The following FYN variants were observed in gnomAD, a reference collection of about 807,000 sequenced individuals.
FYN encodes tyrosine-protein kinase Fyn.
Under a neutral mutation model 70.2 loss-of-function variants are expected in FYN, and 10 were observed. That is an observed-to-expected ratio of 0.14 (90% CI 0.09 to 0.24). FYN has a LOEUF of 0.24. Among genes scored for constraint, FYN ranks in the 10% least tolerant of loss-of-function variants. FYN has a pLI of 1.00. For synonymous variants in FYN, 236 were observed against 248.6 expected (o/e 0.95, Z 0.48); for missense variants, 319 against 673.1 (o/e 0.47, Z 5.82).
intron 2 of FYN, among the ~76,000 whole-genome samples, chr6:111,823,093 G>A (rs937691621): frequency 2.0e-5 from 3 of 152,196 alleles, no homozygotes; most frequent in African/African-American, 4.8e-5. Flanking sequence ...TGTCTTTCAC[G>A]TTACCAGATG....
intron 1 of FYN, among the ~76,000 whole-genome samples, chr6:111,867,105 T>C (rs1194181741): frequency 6.6e-6 from 1 of 152,172 alleles, no homozygotes; most frequent in East Asian, 1.9e-4. Context: ...ACTCCACACA[T>C]TCTCCCTGGG....
intron 3 of FYN, among the ~76,000 whole-genome samples, chr6:111,758,134 T>G (rs1174894344): frequency 2.0e-5 from 3 of 152,204 alleles, no homozygotes; most frequent in Admixed American, 2.0e-4. Context: ...TAAGCAAAGA[T>G]AGTAGACTGA....
chr6:111,699,502 C>T (rs770348444), intron 9 of FYN: 5 of 1,608,864 alleles, frequency 3.1e-6, no homozygotes, highest in Non-Finnish European at 4.2e-6. Context: ...ACAAAATGTG[C>T]CCTCTGCCTT....
chr6:111,723,620 C>T (rs938523925), intron 3 of FYN, among the ~76,000 whole-genome samples: 7 of 152,190 alleles, frequency 4.6e-5, no homozygotes, highest in South Asian at 2.1e-4. Flanking sequence ...CTTTCTCCCC[C>T]GTGGGGCAGT....
intron 4 of FYN, among the ~76,000 whole-genome samples, chr6:111,718,041 A>G (rs1257276399): frequency 6.6e-6 from 1 of 152,242 alleles, no homozygotes; most frequent in Non-Finnish European, 1.5e-5. Flanking sequence ...GGTCATGCCT[A>G]TTCTTATTTA....
At chr6:111,699,273 G>T (rs557192163) in intron 9 of FYN, among the ~76,000 whole-genome samples, 1 of 152,236 alleles carries the variant, frequency 6.6e-6, no homozygotes, top group East Asian at 1.9e-4. Context: ...TTAGGAAGAG[G>T]AAACACCAGA....
intron 12 of FYN, among the ~76,000 whole-genome samples, chr6:111,693,407 TATATTCTACA>T (rs1799435193): frequency 6.6e-6 from 1 of 152,094 alleles, no homozygotes; most frequent in African/African-American, 2.4e-5. Context: ...CTATAAACAT[TATATTCTACA>T]TGAGGAGCCT....
intron 3 of FYN, among the ~76,000 whole-genome samples, chr6:111,743,023 G>A (rs1431485218): frequency 6.6e-6 from 1 of 150,496 alleles, no homozygotes; most frequent in African/African-American, 2.4e-5. Flanking sequence ...CTGGAGTGCA[G>A]TGGCACGATC....
chr6:111,842,517 C>G (rs1031476326), intron 2 of FYN, among the ~76,000 whole-genome samples: 17 of 152,316 alleles, frequency 1.1e-4, no homozygotes, highest in African/African-American at 4.1e-4. Context: ...ACCCCAAAGC[C>G]AATGTCCCCC....
intron 2 of FYN, among the ~76,000 whole-genome samples, chr6:111,824,367 T>C (rs1341743771): frequency 6.6e-6 from 1 of 152,186 alleles, no homozygotes; most frequent in Non-Finnish European, 1.5e-5. Context: ...AGGTAACTAA[T>C]ACATTCTCAG....
intron 3 of FYN, among the ~76,000 whole-genome samples, chr6:111,729,950 T>G (rs1309182687): frequency 6.6e-6 from 1 of 152,216 alleles, no homozygotes; most frequent in Non-Finnish European, 1.5e-5. Context: ...ATAAGAAAGT[T>G]CCCTTTAATA....
chr6:111,716,476 C>T (rs577972904), intron 4 of FYN, among the ~76,000 whole-genome samples: 1 of 152,172 alleles, frequency 6.6e-6, no homozygotes, highest in Non-Finnish European at 1.5e-5. Flanking sequence ...GAACGCAGCA[C>T]CCTCTGTGTA....
chr6:111,742,100 T>A (rs1802002405), intron 3 of FYN, among the ~76,000 whole-genome samples: 1 of 152,210 alleles, frequency 6.6e-6, no homozygotes, highest in South Asian at 2.1e-4. Flanking sequence ...GGATAAGTAA[T>A]TTTTGAGAGC....
At chr6:111,844,183 C>A (rs903523831) in intron 2 of FYN, among the ~76,000 whole-genome samples, 1 of 152,130 alleles carries the variant, frequency 6.6e-6, no homozygotes, top group Admixed American at 6.5e-5. Flanking sequence ...TTCAATAAAC[C>A]ATAGATATTA....
At chr6:111,717,160 A>G (rs1227768017) in intron 4 of FYN, among the ~76,000 whole-genome samples, 1 of 151,972 alleles carries the variant, frequency 6.6e-6, no homozygotes, top group Non-Finnish European at 1.5e-5. Flanking sequence ...ATTCAAGATA[A>G]CTCTGTAGTT....
chr6:111,801,737 T>A (rs953717011), intron 2 of FYN, among the ~76,000 whole-genome samples: 1 of 152,226 alleles, frequency 6.6e-6, no homozygotes, highest in African/African-American at 2.4e-5. Flanking sequence ...GTTTTTGTCT[T>A]ACTCCTTCCT....
intron 2 of FYN, among the ~76,000 whole-genome samples, chr6:111,816,538 T>C (rs892006592): frequency 1.3e-5 from 2 of 152,152 alleles, no homozygotes; most frequent in African/African-American, 2.4e-5. Flanking sequence ...CCATAGATCA[T>C]AAGGAGGTCA....
At chr6:111,744,924 A>ACC (rs1272126098) in intron 3 of FYN, among the ~76,000 whole-genome samples, 3 of 152,152 alleles carry the variant, frequency 2.0e-5, no homozygotes, top group Non-Finnish European at 4.4e-5. Flanking sequence ...AGAAAGTACA[A>ACC]CCCCGGCAAA....
intron 2 of FYN, among the ~76,000 whole-genome samples, chr6:111,783,317 G>A (rs1452881151): frequency 1.3e-5 from 2 of 152,112 alleles, no homozygotes; most frequent in African/African-American, 2.4e-5. Context: ...ACAAGTGGGG[G>A]TGTACTCTCC....
Sources: allele counts gnomAD v4.1 joint callset (sites outside exome capture counted in the v4.1 genomes callset), GRCh38; gene constraint gnomAD v4.1.1; transcripts MANE v1.5; gene names NCBI Gene and HGNC (gene_info 2026-07-23, HGNC 2026-07-21).